The following VWA2 variants were observed in gnomAD, a reference collection of about 807,000 sequenced individuals.
The protein encoded by VWA2 is von Willebrand factor A domain-containing protein 2.
Under a neutral mutation model 70.4 loss-of-function variants are expected in VWA2, and 73 were observed. The ratio of observed to expected loss-of-function variants is 1.04; its 90% CI spans 0.86 to 1.26. VWA2 has a LOEUF of 1.26. Among genes scored for constraint, VWA2 ranks in the 50% most tolerant of loss-of-function variants. The pLI, the probability that VWA2 is intolerant of heterozygous loss-of-function variation, is 0.00. For missense variants in VWA2, 1,011 were observed against 998.5 expected (o/e 1.01, Z -0.17); for synonymous variants, 407 against 423.3 (o/e 0.96, Z 0.47).
At chr10:114,249,876 C>T (rs1036463613) in intron 2 of VWA2, among the ~76,000 whole-genome samples, 1 of 152,176 alleles carries the variant, frequency 6.6e-6, no homozygotes, top group Non-Finnish European at 1.5e-5. Flanking sequence ...CTTTTCTCAT[C>T]TTACCCCGTG....
chr10:114,242,872 T>C (rs1175000519), intron 1 of VWA2, among the ~76,000 whole-genome samples: 1 of 152,244 alleles, frequency 6.6e-6, no homozygotes, highest in Non-Finnish European at 1.5e-5. Context: ...TAGCAGAGAC[T>C]TTTCTACCCT....
At chr10:114,251,542 GT>G (rs2037196025) in intron 2 of VWA2, among the ~76,000 whole-genome samples, 1 of 152,204 alleles carries the variant, frequency 6.6e-6, no homozygotes, top group Admixed American at 6.5e-5. Context: ...GTATTTTTCT[GT>G]TCTTTTTGGG....
intron 2 of VWA2, among the ~76,000 whole-genome samples, chr10:114,253,097 T>C (rs111835439): frequency 0.012 from 1,855 of 149,330 alleles, 32 homozygotes; most frequent in African/African-American, 0.044. Context: ...CTTCTGGGGA[T>C]CCCTTATTGT....
intron 1 of VWA2, among the ~76,000 whole-genome samples, chr10:114,244,633 T>TAA (rs11369354): frequency 1.3e-4 from 19 of 151,384 alleles, no homozygotes; most frequent in South Asian, 8.4e-4. Context: ...ATTCACCCTT[T>TAA]AAAAAAAAAG....
At position 114,289,418 on chromosome 10, in the gene VWA2, C is replaced by T; in HGVS notation, c.2051C>T (p.Ser684Phe). The stretch of plus-strand genomic sequence containing the variant: ...CGGAGGCTTGCAGGTCCCCGGGATT[C>T]CCTGATCCACGTGGCAGCTTACGCC... Reference protein sequence around the residue: ...GLRRLAGPRDSLIHVAAYADL... With the variant: ...GLRRLAGPRDFLIHVAAYADL... The change falls in exon 12 of 14, where the codon TCC becomes TTC. Residue 684 changes from serine to phenylalanine, a missense_variant. By Grantham distance (155) the Ser-to-Phe change is radical. Transcript: ENST00000392982. 1 of 1,614,204 alleles carries T rather than the reference C, an allele frequency of 6.2e-7. No individual in the cohort carries two copies. Among genetic ancestry groups the T allele is most frequent in the Non-Finnish European group, 8.5e-7 (1 of 1,180,040 alleles).
At chr10:114,269,569 A>C (rs2037660875) in intron 5 of VWA2, among the ~76,000 whole-genome samples, 1 of 152,188 alleles carries the variant, frequency 6.6e-6, no homozygotes, top group African/African-American at 2.4e-5. Flanking sequence ...TGACAGAGTG[A>C]GACTCTGTCT....
chr10:114,280,473 G>A (rs2038022810), intron 8 of VWA2, among the ~76,000 whole-genome samples: 1 of 152,196 alleles, frequency 6.6e-6, no homozygotes, highest in African/African-American at 2.4e-5. Context: ...GTTTGAAATG[G>A]AGTGGCCAGG....
At chr10:114,284,760 G>T (rs76080534) in intron 9 of VWA2, 103 bp from the exon 10 acceptor site, 4 of 1,087,598 alleles carry the variant, frequency 3.7e-6, no homozygotes, top group East Asian at 2.9e-5. Context: ...GAGGGGCTGG[G>T]CCACTGCTAG....
chr10:114,260,029 A>C (rs1178294222), intron 4 of VWA2, among the ~76,000 whole-genome samples: 1 of 152,176 alleles, frequency 6.6e-6, no homozygotes, highest in Non-Finnish European at 1.5e-5. Context: ...AGGGAATTCA[A>C]GTGGGGAGCA....
chr10:114,251,820 ATTTTTTTTT>A (rs1219307995), intron 2 of VWA2, among the ~76,000 whole-genome samples: 1 of 120,896 alleles, frequency 8.3e-6, no homozygotes. Flanking sequence ...AAAACCTGTA[ATTTTTTTTT>A]TTTTTTTTTT....
chr10:114,245,669 G>A (rs953511100), intron 1 of VWA2, among the ~76,000 whole-genome samples: 2 of 152,196 alleles, frequency 1.3e-5, no homozygotes, highest in South Asian at 2.1e-4. Context: ...AGGGCTGGAA[G>A]CTAGCAGGAA....
chr10:114,269,714 C>T (rs1286341017), intron 5 of VWA2, among the ~76,000 whole-genome samples: 1 of 152,180 alleles, frequency 6.6e-6, no homozygotes, highest in Non-Finnish European at 1.5e-5. Context: ...GTATGGGGAA[C>T]AAGCACTTTT....
intron 5 of VWA2, among the ~76,000 whole-genome samples, chr10:114,268,361 T>C (rs1439297251): frequency 1.3e-5 from 2 of 151,434 alleles, no homozygotes; most frequent in Admixed American, 6.6e-5. Flanking sequence ...AAAATTCTGG[T>C]GAGACTCTGG....
intron 8 of VWA2, 150 bp downstream of exon 8, chr10:114,279,001 A>G (rs1297564566): frequency 2.5e-6 from 3 of 1,215,836 alleles, no homozygotes; most frequent in Non-Finnish European, 1.1e-6. Context: ...TAGCCATGGG[A>G]GAACAGGGAG....
At chr10:114,265,357 A>G (rs2037539587) in intron 5 of VWA2, among the ~76,000 whole-genome samples, 1 of 152,186 alleles carries the variant, frequency 6.6e-6, no homozygotes, top group East Asian at 1.9e-4. Flanking sequence ...AAAGTCAAAG[A>G]CCATTTGAGT....
At chr10:114,288,796 A>G in intron 11 of VWA2, 142 bp from the exon 12 acceptor site, 1 of 784,814 alleles carries the variant, frequency 1.3e-6, no homozygotes, top group Non-Finnish European at 2.0e-6. Context: ...TGTGGCTAAA[A>G]GGAAGACATA....
intron 5 of VWA2, among the ~76,000 whole-genome samples, chr10:114,266,811 C>T (rs545530789): frequency 1.8e-4 from 28 of 152,266 alleles, no homozygotes; most frequent in Admixed American, 1.4e-3. Flanking sequence ...TGGCAGAAAA[C>T]GGTTGATAGC....
chr10:114,243,078 C>T (rs2037002409), intron 1 of VWA2, among the ~76,000 whole-genome samples: 1 of 152,158 alleles, frequency 6.6e-6, no homozygotes, highest in South Asian at 2.1e-4. Context: ...CCCAGTGTCC[C>T]ATACAGTGAA....
At chr10:114,262,155 AG>A (rs2037457373) in intron 5 of VWA2, among the ~76,000 whole-genome samples, 2 of 152,094 alleles carry the variant, frequency 1.3e-5, no homozygotes, top group South Asian at 2.1e-4. Context: ...TGAGATTTGG[AG>A]GGGACAAACC....
Sources: allele counts gnomAD v4.1 joint callset (sites outside exome capture counted in the v4.1 genomes callset), GRCh38; gene constraint gnomAD v4.1.1; transcripts MANE v1.5; gene names NCBI Gene and HGNC (gene_info 2026-07-23, HGNC 2026-07-21).